The following MIER3 variants were observed in gnomAD, a reference collection of about 807,000 sequenced individuals.
The protein encoded by MIER3 is mesoderm induction early response protein 3.
A neutral mutation model predicts 63.2 loss-of-function variants in MIER3; 9 were observed. That is an observed-to-expected ratio of 0.14 (90% CI 0.09 to 0.25). MIER3 has a LOEUF of 0.25. Ranked by LOEUF, MIER3 falls within the 10% of genes least tolerant of loss-of-function variation. The pLI is 1.00. For synonymous variants in MIER3, 205 were observed against 224.9 expected (o/e 0.91, Z 0.79); for missense variants, 512 against 666.2 (o/e 0.77, Z 2.55).
At chr5:56,928,187 A>C (rs1419464422) in intron 10 of MIER3, 3 of 152,254 alleles carry the variant, frequency 2.0e-5, no homozygotes, top group Admixed American at 2.0e-4. Context: ...TTGTGTGGAC[A>C]TAAGTTTTCA....
rs1749646944 is a variant in MIER3 at position 56,921,024 on chromosome 5, T to C, written c.*2104A>G. Reference sequence around the variant, plus strand: ...CTAAAGTGTCCATTCAACTTGCTGATAATCAAAACTTTAGATAAGAAACAC... The same window carrying C: ...CTAAAGTGTCCATTCAACTTGCTGACAATCAAAACTTTAGATAAGAAACAC... On this transcript the variant is annotated 3_prime_UTR_variant, in exon 13 of 13. Coordinates refer to ENST00000381199, the MANE Select transcript of MIER3 (RefSeq NM_001297599.2). The C allele has an allele frequency of 1.3e-5, 2 of 152,678 alleles. No individual in the cohort carries two copies. The highest frequency in any genetic ancestry group is 4.1e-4 in the South Asian group (2 of 4,826). The allele number at this position is 152,678 out of a possible 1,614,324, so 9.5% of individuals were successfully genotyped here.
chr5:56,937,548 T>A (rs369746812), intron 5 of MIER3, 30 bp downstream of exon 5: 102 of 1,584,290 alleles, frequency 6.4e-5, no homozygotes, highest in Admixed American at 5.3e-4. Context: ...TCAATGTTAC[T>A]ATTTATCAGT....
intron 3 of MIER3, among the ~76,000 whole-genome samples, chr5:56,944,697 A>T (rs1750768045): frequency 6.6e-6 from 1 of 152,046 alleles, no homozygotes; most frequent in Non-Finnish European, 1.5e-5. Context: ...ATGTCTGGTG[A>T]TCTTTTTTTT....
rs142181482 is a variant in MIER3, at chr5:56,928,623, A to C, written c.924+144T>G. On this transcript the variant is annotated intron_variant, in intron 10 of 12. Transcript: ENST00000381199. ...TAAGCAGGCTGTGGCATCTCTGAGC[A>C]AATTAGTCATGTTAGAATGATATCT... The C allele has an allele frequency of 2.3e-3, 1,237 of 541,608 alleles. 12 individuals carry two copies. The highest frequency in any genetic ancestry group is 0.022 in the African/African-American group (1,110 of 51,622). 33.6% of individuals were successfully genotyped at this position (541,608 alleles called of 1,614,324 possible).
intron 12 of MIER3, 29 bp downstream of exon 12, chr5:56,923,662 T>C (rs764880297): frequency 6.2e-7 from 1 of 1,614,116 alleles, no homozygotes; most frequent in South Asian, 1.1e-5. Context: ...CAACAAACTG[T>C]ACTAAATGCA....
chr5:56,944,413 G>A (rs773071353), intron 3 of MIER3, among the ~76,000 whole-genome samples: 3 of 152,012 alleles, frequency 2.0e-5, no homozygotes, highest in African/African-American at 2.4e-5. Flanking sequence ...TCCGGGAGGC[G>A]GAGCCTGCAG....
chr5:56,949,433 T>C (rs1442271166), intron 2 of MIER3, among the ~76,000 whole-genome samples: 1 of 152,218 alleles, frequency 6.6e-6, no homozygotes, highest in Non-Finnish European at 1.5e-5. Flanking sequence ...TTAAAAGAAG[T>C]CAGTGATACC....
intron 5 of MIER3, 43 bp from the exon 6 acceptor site, chr5:56,935,794 G>A: frequency 6.8e-7 from 1 of 1,465,880 alleles, no homozygotes; most frequent in East Asian, 2.3e-5. Flanking sequence ...GCCTATTTTT[G>A]CAGAACCTGG....
At chr5:56,929,005 A>ACACACACACACACACT (rs777014337) in intron 9 of MIER3, 144 bp from the exon 10 acceptor site, 48 of 511,038 alleles carry the variant, frequency 9.4e-5, no homozygotes, top group African/African-American at 7.2e-4. Context: ...ACACACACAC[A>ACACACACACACACACT]CTCTCTCTCT....
At chr5:56,947,293 T>C in intron 2 of MIER3, 1 of 445,262 alleles carries the variant, frequency 2.2e-6, no homozygotes, top group Non-Finnish European at 3.9e-6. Flanking sequence ...AACACTTTTA[T>C]AAGGGGTTTA....
At chr5:56,948,583 C>T (rs1004235613) in intron 2 of MIER3, among the ~76,000 whole-genome samples, 2 of 151,876 alleles carry the variant, frequency 1.3e-5, no homozygotes, top group African/African-American at 4.8e-5. Flanking sequence ...GCAGGAGAAT[C>T]GCTTGAACCT....
At chr5:56,936,210 C>G (rs1750440475) in intron 5 of MIER3, among the ~76,000 whole-genome samples, 1 of 136,458 alleles carries the variant, frequency 7.3e-6, no homozygotes, top group Non-Finnish European at 1.6e-5. Context: ...GAGTGAGACT[C>G]CATCTCAAAA....
chr5:56,946,668 C>T (rs764721120), intron 3 of MIER3, among the ~76,000 whole-genome samples: 1 of 151,974 alleles, frequency 6.6e-6, no homozygotes, highest in Non-Finnish European at 1.5e-5. Flanking sequence ...TATAGTTTTC[C>T]GTATCTCAAT....
chr5:56,950,958 T>A (rs1043994634), intron 1 of MIER3, among the ~76,000 whole-genome samples: 2 of 152,038 alleles, frequency 1.3e-5, no homozygotes, highest in Non-Finnish European at 2.9e-5. Context: ...CCCAGAGCAG[T>A]CGGCTGGCAC....
At chr5:56,946,895 T>G in intron 3 of MIER3, 31 bp downstream of exon 3, 1 of 1,404,924 alleles carries the variant, frequency 7.1e-7, no homozygotes, top group Non-Finnish European at 9.5e-7. Context: ...AAAATCTTTG[T>G]TAAGTTTGTA....
chr5:56,946,860 A>G, intron 3 of MIER3, 66 bp downstream of exon 3: 2 of 1,212,250 alleles, frequency 1.6e-6, no homozygotes, highest in Non-Finnish European at 2.2e-6. Flanking sequence ...CAGGTAGATT[A>G]TTTTTAAAAT....
chr5:56,950,659 G>A lies in MIER3; in HGVS notation c.10-7C>T, dbSNP rs768845500. 4 of 1,613,350 alleles carry A rather than the reference G, an allele frequency of 2.5e-6. No individual in the cohort carries two copies. Among genetic ancestry groups the A allele is most frequent in the Admixed American group, 1.7e-5 (1 of 59,938 alleles). ...TCGAACTTCCAAAAGAAGCCTAGGA[G>A]AGAGAGAAGAAAACGTGAGGTTAGA... On this transcript the variant is annotated splice_region_variant and splice_polypyrimidine_tract_variant and intron_variant, in intron 1 of 12. Transcript: ENST00000381199.
Position 56,919,986 on chromosome 5 carries a change from GCAAA to G in MIER3, c.*3138_*3141del, listed in dbSNP as rs1749591930. 3 of 152,514 alleles carry G rather than the reference GCAAA, an allele frequency of 2.0e-5. No homozygotes were observed. In the South Asian group the frequency reaches 6.2e-4, roughly 32 times the overall value. The allele number at this position is 152,514 out of a possible 1,614,324, so 9.4% of individuals were successfully genotyped here. A position where few individuals can be genotyped will look rare whatever the true frequency, so the allele number is the denominator to read the frequency against. On this transcript the variant is annotated 3_prime_UTR_variant, in exon 13 of 13. Coordinates refer to ENST00000381199, the MANE Select transcript of MIER3 (RefSeq NM_001297599.2). The stretch of plus-strand genomic sequence containing the variant: ...TAGACAATGTGCTTTGAAACTCTGG[GCAAA>G]CAATCTCCTTGGTGGTCAGGTTTAT...
At chr5:56,951,854 G>A (rs1751047449) in intron 1 of MIER3, among the ~76,000 whole-genome samples, 1 of 150,966 alleles carries the variant, frequency 6.6e-6, no homozygotes, top group African/African-American at 2.4e-5. Context: ...CGGTCGCCCG[G>A]CCCGACCGGG....
Sources: allele counts gnomAD v4.1 joint callset (sites outside exome capture counted in the v4.1 genomes callset), GRCh38; gene constraint gnomAD v4.1.1; transcripts MANE v1.5; gene names NCBI Gene and HGNC (gene_info 2026-07-23, HGNC 2026-07-21).